The following PALS2 variants were observed in gnomAD, a reference collection of about 807,000 sequenced individuals.
PALS2 encodes protein PALS2.
In PALS2, 27 loss-of-function variants were observed where a neutral mutation model predicts 61.6. The ratio of observed to expected loss-of-function variants is 0.44; its 90% CI spans 0.32 to 0.60. The LOEUF is 0.60. PALS2 is among the 20% of genes least tolerant of loss of function. The pLI is 0.05. For synonymous variants in PALS2, 236 were observed against 218.6 expected (o/e 1.08, Z -0.70); for missense variants, 554 against 639.4 (o/e 0.87, Z 1.44).
intron 2 of PALS2, among the ~76,000 whole-genome samples, chr7:24,633,835 C>T (rs1415837643): frequency 6.6e-6 from 1 of 152,100 alleles, no homozygotes; most frequent in Admixed American, 6.5e-5. Flanking sequence ...TTTTTATTCC[C>T]ACCAGTAGTG....
intron 1 of PALS2, among the ~76,000 whole-genome samples, chr7:24,602,939 T>G (rs536689918): frequency 6.6e-6 from 1 of 152,186 alleles, no homozygotes; most frequent in South Asian, 2.1e-4. Flanking sequence ...TCATTCTCTT[T>G]CCTGCTGCCC....
At chr7:24,664,219 A>G (rs1008559300) in intron 6 of PALS2, among the ~76,000 whole-genome samples, 1 of 152,062 alleles carries the variant, frequency 6.6e-6, no homozygotes, top group Non-Finnish European at 1.5e-5. Flanking sequence ...TCACTCTATC[A>G]GTTTTGTTTG....
At chr7:24,635,742 A>G (rs1785203606) in intron 2 of PALS2, among the ~76,000 whole-genome samples, 1 of 152,176 alleles carries the variant, frequency 6.6e-6, no homozygotes, top group South Asian at 2.1e-4. Flanking sequence ...CTGTGTCACA[A>G]CTTTATTCTT....
chr7:24,614,794 C>T (rs1218184971), intron 1 of PALS2, among the ~76,000 whole-genome samples: 5 of 151,828 alleles, frequency 3.3e-5, no homozygotes, highest in Non-Finnish European at 5.9e-5. Flanking sequence ...TTTTTTTCGT[C>T]AGCACATGAA....
chr7:24,668,752 A>C (rs1787157882), intron 9 of PALS2, 92 bp downstream of exon 9: 4 of 1,449,672 alleles, frequency 2.8e-6, no homozygotes, highest in Non-Finnish European at 3.8e-6. Flanking sequence ...AGTTATTGTT[A>C]TTCCCAAATA....
chr7:24,626,013 A>G (rs1246773359), intron 2 of PALS2, among the ~76,000 whole-genome samples: 2 of 152,190 alleles, frequency 1.3e-5, no homozygotes, highest in East Asian at 1.9e-4. Context: ...ATATCTGGCC[A>G]CTAATCATGA....
At chr7:24,598,673 T>A (rs1333972271) in intron 1 of PALS2, among the ~76,000 whole-genome samples, 1 of 152,210 alleles carries the variant, frequency 6.6e-6, no homozygotes, top group Non-Finnish European at 1.5e-5. Context: ...TTTCTGAAAC[T>A]GTGCTAAATA....
chr7:24,641,525 A>G lies in PALS2; in HGVS notation c.118-191A>G, dbSNP rs181096261. On this transcript the variant is annotated intron_variant, in intron 2 of 11. Transcript: ENST00000222644. ...ACTTTCAGGATAGAACTAGAGGCCA[A>G]GATTTATTATATTGCATGATATACT... 4.0e-3 allele frequency among the ~76,000 whole-genome samples: 602 copies of G among 152,278 alleles called. 3 individuals are homozygous for G. The highest frequency in any genetic ancestry group is 0.031 in the Middle Eastern group (9 of 294).
At chr7:24,643,601 A>G (rs1267327611) in intron 3 of PALS2, among the ~76,000 whole-genome samples, 1 of 152,130 alleles carries the variant, frequency 6.6e-6, no homozygotes, top group Non-Finnish European at 1.5e-5. Context: ...TATTATTTAC[A>G]GGTGGTTTGT....
intron 1 of PALS2, among the ~76,000 whole-genome samples, chr7:24,584,112 C>T (rs1278511758): frequency 6.7e-6 from 1 of 149,666 alleles, no homozygotes; most frequent in African/African-American, 2.5e-5. Flanking sequence ...AATAATGCCG[C>T]AATAAACATA....
intron 5 of PALS2, among the ~76,000 whole-genome samples, chr7:24,660,288 C>A (rs545148542): frequency 6.6e-6 from 1 of 152,146 alleles, no homozygotes; most frequent in South Asian, 2.1e-4. Context: ...CAGTTGAGAT[C>A]TCCCTCTGAA....
At chr7:24,649,561 A>G (rs779540359) in intron 3 of PALS2, 51 bp from the exon 4 acceptor site, 3 of 1,439,836 alleles carry the variant, frequency 2.1e-6, no homozygotes, top group Admixed American at 2.5e-5. Context: ...TTTAGTAACA[A>G]ATTTCATCCA....
At chr7:24,597,667 C>G (rs1783572953) in intron 1 of PALS2, among the ~76,000 whole-genome samples, 1 of 152,108 alleles carries the variant, frequency 6.6e-6, no homozygotes, top group Non-Finnish European at 1.5e-5. Context: ...GTAGTTGATT[C>G]ATTGACAGGT....
chr7:24,615,595 A>T (rs1322435348), intron 1 of PALS2, among the ~76,000 whole-genome samples: 1 of 146,824 alleles, frequency 6.8e-6, no homozygotes. Context: ...AATCAGTAAT[A>T]AAAAAAAAGA....
At chr7:24,652,191 A>G (rs1786188898) in intron 5 of PALS2, among the ~76,000 whole-genome samples, 1 of 152,104 alleles carries the variant, frequency 6.6e-6, no homozygotes, top group African/African-American at 2.4e-5. Context: ...ATTTATTATT[A>G]TGTGTTAGTT....
At position 24,638,322 on chromosome 7, in the gene PALS2, C is replaced by CTTTTTTTTTTTTT. The variant is rs749421698; in HGVS notation, c.118-3380_118-3368dup. ...TTTCTCCCTTCAATTTCTGTATTTT[C>CTTTTTTTTTTTTT]TTTTTTTTTTTTTTTTTTTTTTTTT... On this transcript the variant is annotated intron_variant, in intron 2 of 11. Transcript: ENST00000222644. 1.3e-3 allele frequency among the ~76,000 whole-genome samples: 15 copies of CTTTTTTTTTTTTT among 11,914 alleles called. 2 individuals are homozygous for CTTTTTTTTTTTTT. Among genetic ancestry groups the CTTTTTTTTTTTTT allele is most frequent in the East Asian group, 6.5e-3 (1 of 154 alleles). The allele number at this position is 11,914 out of a possible 152,430, so 7.8% of individuals were successfully genotyped here.
chr7:24,630,905 C>G (rs1170776573), intron 2 of PALS2, among the ~76,000 whole-genome samples: 1 of 152,188 alleles, frequency 6.6e-6, no homozygotes, highest in Non-Finnish European at 1.5e-5. Context: ...TTTCAAAATA[C>G]TACTGGTTAT....
intron 9 of PALS2, among the ~76,000 whole-genome samples, chr7:24,676,763 G>GT (rs1228183170): frequency 6.6e-6 from 1 of 151,134 alleles, no homozygotes; most frequent in Non-Finnish European, 1.5e-5. Context: ...GTCCCATGCT[G>GT]TTTTGGTTAC....
intron 5 of PALS2, 119 bp downstream of exon 5, chr7:24,650,831 G>T: frequency 1.4e-6 from 1 of 698,898 alleles, no homozygotes; most frequent in Non-Finnish European, 2.2e-6. Flanking sequence ...TGATTTGAGT[G>T]TTCTGAAATG....
Sources: allele counts gnomAD v4.1 joint callset (sites outside exome capture counted in the v4.1 genomes callset), GRCh38; gene constraint gnomAD v4.1.1; transcripts MANE v1.5; gene names NCBI Gene and HGNC (gene_info 2026-07-23, HGNC 2026-07-21).